Variants in ABL1 observed in about 807,000 individuals in gnomAD.
ABL1 encodes the protein tyrosine-protein kinase ABL1.
In ABL1, 11 loss-of-function variants were observed where a neutral mutation model predicts 94.7. The observed-to-expected ratio is 0.12, with a 90% CI of 0.07 to 0.19. The LOEUF is 0.19. Ranked by LOEUF, ABL1 falls within the 10% of genes least tolerant of loss-of-function variation. The probability of loss-of-function intolerance (pLI) is 1.00; values close to 1 mark genes in which losing one functional copy is unlikely to be tolerated. For synonymous variants in ABL1, 656 were observed against 622.4 expected, an observed-to-expected ratio of 1.05 and a Z score of -0.80; for missense variants, 1,082 against 1,489.4, an observed-to-expected ratio of 0.73 and a Z score of 4.50.
intron 1 of ABL1, among the ~76,000 whole-genome samples, chr9:130,810,621 AAAAG>A (rs1830196551): frequency 1.3e-5 from 2 of 152,284 alleles, no homozygotes; most frequent in South Asian, 4.1e-4. Flanking sequence ...GCAGAAAAAA[AAAAG>A]AAACCCTGAA....
At chr9:130,758,709 A>G (rs1336222952) in intron 1 of ABL1, among the ~76,000 whole-genome samples, 1 of 152,240 alleles carries the variant, frequency 6.6e-6, no homozygotes, top group East Asian at 1.9e-4. Flanking sequence ...CTGGGATTAC[A>G]GGTGTGAGCC....
chr9:130,879,490 T>C (rs1831415895), intron 8 of ABL1, among the ~76,000 whole-genome samples: 1 of 152,248 alleles, frequency 6.6e-6, no homozygotes, highest in Non-Finnish European at 1.5e-5. Context: ...TGTACACGAA[T>C]CTCTGGGCAC....
At chr9:130,730,998 CTTTTTTTTTTTTTTTT>C (rs11300328) in intron 1 of ABL1, among the ~76,000 whole-genome samples, 3 of 64,464 alleles carry the variant, frequency 4.7e-5, no homozygotes, top group East Asian at 5.2e-4. Context: ...CTCTATCTCT[CTTTTTTTTTTTTTTTT>C]TTTTTTTTTT....
At chr9:130,730,093 G>T (rs1313679859) in intron 1 of ABL1, among the ~76,000 whole-genome samples, 1 of 137,306 alleles carries the variant, frequency 7.3e-6, no homozygotes, top group South Asian at 2.3e-4. Context: ...GCCCACGCTG[G>T]AGTGCAATGG....
Position 130,835,372 on chromosome 9 carries a change from C to CGAGCCGGGCCT in ABL1, c.-64_-54dup, listed in dbSNP as rs1272504769. 20 of 917,472 alleles carry CGAGCCGGGCCT rather than the reference C, an allele frequency of 2.2e-5. No individual in the cohort carries two copies. Among genetic ancestry groups the CGAGCCGGGCCT allele is most frequent in the Non-Finnish European group, 2.7e-5 (20 of 728,178 alleles). 56.8% of individuals were successfully genotyped at this position (917,472 alleles called of 1,614,324 possible). A position where few individuals can be genotyped will look rare whatever the true frequency, so the allele number is the denominator to read the frequency against. ...GGGGGCGCCGGGGGGGCGCGCGGGC[C>CGAGCCGGGCCT]GAGCCGGGCCTGAGCCGGGCCCGCG... On this transcript the variant is annotated 5_prime_UTR_variant, in exon 1 of 11. Transcript: ENST00000318560. The surrounding 1 kb of genome is among the most constrained non-coding windows in gnomAD (Gnocchi z 4.6).
chr9:130,747,464 A>G (rs569606006), intron 1 of ABL1, among the ~76,000 whole-genome samples: 2 of 152,220 alleles, frequency 1.3e-5, no homozygotes, highest in South Asian at 4.2e-4. Context: ...CCCAGGCTGG[A>G]GTGCAGTGGC....
intron 1 of ABL1, among the ~76,000 whole-genome samples, chr9:130,768,233 A>C (rs138929188): frequency 1.3e-5 from 2 of 152,292 alleles, no homozygotes; most frequent in African/African-American, 4.8e-5. Context: ...CTTGATGGGA[A>C]GACTGGCAGC....
At position 130,880,002 on chromosome 9, in the gene ABL1, G is replaced by A. The variant is rs1451093316; in HGVS notation, c.1424-66G>A. On this transcript the variant is annotated intron_variant, in intron 8 of 10. Coordinates refer to ENST00000318560, the MANE Select transcript of ABL1 (RefSeq NM_005157.6). The surrounding 1 kb of genome is among the most constrained non-coding windows in gnomAD (Gnocchi z 4.4). ...GCTTTCATTCTAGACTTTTCCTTGAGAACTGCTAGCCCCGTATTGCTAGCC... is the reference window on the plus strand; with the variant it reads ...GCTTTCATTCTAGACTTTTCCTTGAAAACTGCTAGCCCCGTATTGCTAGCC... The A allele has an allele frequency of 2.2e-5, 32 of 1,453,938 alleles. No homozygotes were observed. The Admixed American group carries it at 4.7e-4, about 21-fold the overall frequency. 90.1% of individuals were successfully genotyped at this position (1,453,938 alleles called of 1,614,324 possible). A position where few individuals can be genotyped will look rare whatever the true frequency, so the allele number is the denominator to read the frequency against.
At chr9:130,735,961 A>ATATATATATATATATATTT (rs573602038) in intron 1 of ABL1, among the ~76,000 whole-genome samples, 15 of 94,842 alleles carry the variant, frequency 1.6e-4, no homozygotes, top group African/African-American at 8.9e-4. Context: ...ATATATATAT[A>ATATATATATATATATATTT]TTTTTTTTTT....
intron 1 of ABL1, among the ~76,000 whole-genome samples, chr9:130,851,552 G>C (rs999724758): frequency 6.6e-6 from 1 of 151,742 alleles, no homozygotes; most frequent in Non-Finnish European, 1.5e-5. Context: ...GATCAGGTGG[G>C]TTCTTTTTCT....
chr9:130,817,533 T>C (rs1350932154), intron 1 of ABL1, among the ~76,000 whole-genome samples: 2 of 152,240 alleles, frequency 1.3e-5, no homozygotes, highest in African/African-American at 4.8e-5. Flanking sequence ...TGTGAGGTCC[T>C]GTTCCAGCCA....
intron 1 of ABL1, among the ~76,000 whole-genome samples, chr9:130,808,603 A>T (rs1830163134): frequency 6.6e-6 from 1 of 152,162 alleles, no homozygotes; most frequent in South Asian, 2.1e-4. Context: ...GGGTAGATAG[A>T]TAGGGCCTTC....
At chr9:130,848,345 G>GAAAAA (rs34112720) in intron 1 of ABL1, among the ~76,000 whole-genome samples, 23 of 69,724 alleles carry the variant, frequency 3.3e-4, no homozygotes, top group Non-Finnish European at 5.1e-4. Flanking sequence ...TACTGAAAAT[G>GAAAAA]AAAAAAAAAA....
At chr9:130,785,372 C>T (rs569058496) in intron 1 of ABL1, among the ~76,000 whole-genome samples, 1 of 152,292 alleles carries the variant, frequency 6.6e-6, no homozygotes, top group East Asian at 1.9e-4. Context: ...CTGCCCTGGG[C>T]CAGCTCTGGA....
At chr9:130,867,952 C>CTTTTTG (rs1322803174) in intron 4 of ABL1, among the ~76,000 whole-genome samples, 15 of 132,530 alleles carry the variant, frequency 1.1e-4, no homozygotes, top group Admixed American at 5.9e-4. Context: ...TTTTTTTTTG[C>CTTTTTG]TTTTTGTTTT....
intron 1 of ABL1, among the ~76,000 whole-genome samples, chr9:130,776,576 CAA>C (rs67443041): frequency 0.34 from 47,619 of 140,882 alleles, 8,022 homozygotes; most frequent in African/African-American, 0.41. Flanking sequence ...GACTCTATCT[CAA>C]AAAAAAAAAA....
Position 130,862,105 on chromosome 9 carries a change from A to C in ABL1, c.550-658A>C, listed in dbSNP as rs565739902. On this transcript the variant is annotated intron_variant, in intron 3 of 10. Transcript: ENST00000318560. The surrounding 1 kb of genome is among the most constrained non-coding windows in gnomAD (Gnocchi z 5.5). ...GTTTTCATCTTCTGGTCACTATTTC[A>C]TTCTAGGTTTATCCCCTTTAAATTA... 6.6e-6 allele frequency among the ~76,000 whole-genome samples: 1 copy of C among 152,266 alleles called. No individual in the cohort carries two copies. Among genetic ancestry groups the C allele is most frequent in the South Asian group, 2.1e-4 (1 of 4,818 alleles).
intron 1 of ABL1, among the ~76,000 whole-genome samples, chr9:130,746,653 T>C (rs1170768115): frequency 6.6e-6 from 1 of 152,028 alleles, no homozygotes; most frequent in Non-Finnish European, 1.5e-5. Context: ...TGTATGAATA[T>C]GGCACAGTTT....
chr9:130,752,447 A>G (rs921048420), intron 1 of ABL1, among the ~76,000 whole-genome samples: 2 of 152,144 alleles, frequency 1.3e-5, no homozygotes, highest in East Asian at 3.9e-4. Flanking sequence ...AAGTAGCCCA[A>G]ACATGCTTTC....
Sources: allele counts gnomAD v4.1 joint callset (sites outside exome capture counted in the v4.1 genomes callset), GRCh38; gene constraint gnomAD v4.1.1; non-coding constraint Gnocchi (gnomAD v3.1); transcripts MANE v1.5; gene names NCBI Gene and HGNC (gene_info 2026-07-23, HGNC 2026-07-21).